The following PDIA4 variants were observed in gnomAD, a reference collection of about 807,000 sequenced individuals.
PDIA4 encodes the protein protein disulfide isomerase family A member 4.
In PDIA4, 33 loss-of-function variants were observed where a neutral mutation model predicts 62.1. That is an observed-to-expected ratio of 0.53 (90% CI 0.40 to 0.71). PDIA4 has a LOEUF of 0.71. Ranked by LOEUF, PDIA4 falls within the 30% of genes least tolerant of loss-of-function variation. The probability of loss-of-function intolerance (pLI) is 0.00; values close to 1 mark genes in which losing one functional copy is unlikely to be tolerated. For missense variants in PDIA4, 804 were observed against 813.6 expected, an observed-to-expected ratio of 0.99 and a Z score of 0.14; for synonymous variants, 341 against 324.1, an observed-to-expected ratio of 1.05 and a Z score of -0.56.
chr7:149,021,110 CTCTTCA>C lies in PDIA4; in HGVS notation c.120_125del (p.Asp40_Glu41del). 1 of 1,603,700 alleles carries C rather than the reference CTCTTCA, an allele frequency of 6.2e-7. No individual in the cohort carries two copies. Among genetic ancestry groups the C allele is most frequent in the Non-Finnish European group, 8.5e-7 (1 of 1,173,214 alleles). The stretch of plus-strand genomic sequence containing the variant: ...CATCATCATCTTCCTCCTCCTCCTC[CTCTTCA>C]TCCTCAATGGCATTTTCTCTGTTAG... On this transcript the variant is annotated inframe_deletion, in exon 2 of 10. Coordinates refer to ENST00000652332, the MANE Select transcript of PDIA4 (RefSeq NM_004911.5).
intron 9 of PDIA4, 40 bp downstream of exon 9, chr7:149,005,101 A>G: frequency 1.3e-6 from 2 of 1,501,640 alleles, no homozygotes; most frequent in Non-Finnish European, 1.9e-6. Flanking sequence ...CGAGGAGCAC[A>G]GCAGCTGATG....
chr7:149,021,020 A>G lies in PDIA4; in HGVS notation c.216T>C (p.Phe72=). The change falls in exon 2 of 10, where the codon TTT becomes TTC. Residue 72 remains phenylalanine (F), a synonymous_variant. Coordinates refer to ENST00000652332, the MANE Select transcript of PDIA4 (RefSeq NM_004911.5). ...TGTCTTTGTCAGCCACAAAATTATC[A>G]AAGTTTGCATCATTTAGGACCAAGA... The part of the protein sequence containing the change: ...NGVLVLNDAN[F]DNFVADKDTV... 6.2e-7 allele frequency: 1 copy of G among 1,614,160 alleles called. No homozygotes were observed. Among genetic ancestry groups the G allele is most frequent in the Non-Finnish European group, 8.5e-7 (1 of 1,180,034 alleles).
intron 7 of PDIA4, 95 bp downstream of exon 7, chr7:149,008,064 G>T: frequency 8.1e-7 from 1 of 1,231,860 alleles, no homozygotes; most frequent in Non-Finnish European, 1.1e-6. Flanking sequence ...AGACAAGAGC[G>T]AAACCTCCAC....
chr7:149,013,239 C>G (rs1241382163), intron 4 of PDIA4, among the ~76,000 whole-genome samples: 1 of 152,114 alleles, frequency 6.6e-6, no homozygotes, highest in East Asian at 1.9e-4. Flanking sequence ...CAGAGCAGGA[C>G]TCCGTCTCAA....
intron 3 of PDIA4, among the ~76,000 whole-genome samples, chr7:149,017,631 A>AATAAAATTAAAT (rs1305341440): frequency 6.7e-6 from 1 of 150,048 alleles, no homozygotes; most frequent in Non-Finnish European, 1.5e-5. Flanking sequence ...ATTTTATCAA[A>AATAAAATTAAAT]ATAAAATTAA....
intron 1 of PDIA4, among the ~76,000 whole-genome samples, chr7:149,023,747 C>A (rs980416891): frequency 6.6e-6 from 1 of 152,068 alleles, no homozygotes; most frequent in Non-Finnish European, 1.5e-5. Flanking sequence ...ACGTTTGCAG[C>A]GAAGAGGCCT....
chr7:149,003,742 A>G lies in PDIA4; in HGVS notation c.*52T>C, dbSNP rs1365583962. 1.4e-6 allele frequency: 2 copies of G among 1,399,204 alleles called. No individual in the cohort carries two copies. The highest frequency in any genetic ancestry group is 1.9e-6 in the Non-Finnish European group (2 of 1,056,688). The allele number at this position is 1,399,204 out of a possible 1,614,324, so 86.7% of individuals were successfully genotyped here. On this transcript the variant is annotated 3_prime_UTR_variant, in exon 10 of 10. Coordinates refer to ENST00000652332, the MANE Select transcript of PDIA4 (RefSeq NM_004911.5). ...CGGCCTCGGCGTGGACGCCCCGACCATGGGCCACGCAGGGCGTCTGCCTCC... is the reference window on the plus strand; with the variant it reads ...CGGCCTCGGCGTGGACGCCCCGACCGTGGGCCACGCAGGGCGTCTGCCTCC...
In PDIA4 at chr7:149,028,442, G is replaced by C. The variant is rs1341166648; in HGVS notation, c.-34C>G. 4 of 1,403,034 alleles carry C rather than the reference G, an allele frequency of 2.9e-6. No individual in the cohort carries two copies. Among genetic ancestry groups the C allele is most frequent in the Non-Finnish European group, 3.8e-6 (4 of 1,060,838 alleles). 86.9% of individuals were successfully genotyped at this position (1,403,034 alleles called of 1,614,324 possible). A position where few individuals can be genotyped will look rare whatever the true frequency, so the allele number is the denominator to read the frequency against. ...GGGCGGAGCGCGGCCTCCTAGCGTC[G>C]GCGGCCGCTGAGCGCACCGAGAACT... On this transcript the variant is annotated 5_prime_UTR_variant, in exon 1 of 10. Coordinates refer to ENST00000652332, the MANE Select transcript of PDIA4 (RefSeq NM_004911.5).
intron 7 of PDIA4, among the ~76,000 whole-genome samples, chr7:149,007,701 A>C: frequency 6.6e-6 from 1 of 152,198 alleles, no homozygotes. Flanking sequence ...AAATCCACCC[A>C]CCAAGGTCAA....
intron 1 of PDIA4, among the ~76,000 whole-genome samples, chr7:149,022,436 A>T (rs1824384931): frequency 6.6e-6 from 1 of 152,218 alleles, no homozygotes; most frequent in Non-Finnish European, 1.5e-5. Flanking sequence ...TACAAAGAAC[A>T]TGGAATTGCC....
At chr7:149,005,856 C>G in intron 8 of PDIA4, 41 bp downstream of exon 8, 1 of 1,439,760 alleles carries the variant, frequency 6.9e-7, no homozygotes, top group Non-Finnish European at 9.1e-7. Context: ...AACGAGTCCC[C>G]CCACCCCCCA....
Position 149,004,072 on chromosome 7 carries a change from A to G in PDIA4, c.1660T>C (p.Trp554Arg), listed in dbSNP as rs755285033. The change falls in exon 10 of 10, where the codon TGG becomes CGG. Residue 554 changes from tryptophan (W) to arginine (R), a missense_variant. Coordinates refer to ENST00000652332, the MANE Select transcript of PDIA4 (RefSeq NM_004911.5). ...KDVLIEFYAP[W>R]CGHCKQLEPV... ...TCTAGCTGCTTGCAGTGCCCGCACC[A>G]TGGCGCGTAGAACTCGATGAGGACG... 41 of 1,614,042 alleles carry G rather than the reference A, an allele frequency of 2.5e-5. No homozygotes were observed. Among genetic ancestry groups the G allele is most frequent in the East Asian group, 4.5e-5 (2 of 44,896 alleles).
intron 1 of PDIA4, among the ~76,000 whole-genome samples, chr7:149,023,931 C>A (rs1023059472): frequency 6.6e-6 from 1 of 152,154 alleles, no homozygotes; most frequent in Non-Finnish European, 1.5e-5. Flanking sequence ...TAAGAGGCAA[C>A]TTCTTTCTTG....
Position 149,003,772 on chromosome 7 carries a change from A to C in PDIA4, c.*22T>G. ...CCACGCAGGGCGTCTGCCTCCTCCC[A>C]CCTTCCGCAGACCTCAGGCCTTCAA... On this transcript the variant is annotated 3_prime_UTR_variant, in exon 10 of 10. Transcript: ENST00000652332. The C allele has an allele frequency of 6.7e-7, 1 of 1,490,872 alleles. No individual in the cohort carries two copies. Among genetic ancestry groups the C allele is most frequent in the Non-Finnish European group, 8.9e-7 (1 of 1,120,708 alleles). 92.4% of individuals were successfully genotyped at this position (1,490,872 alleles called of 1,614,324 possible).
Position 149,011,891 on chromosome 7 carries a change from A to G in PDIA4, c.934T>C (p.Phe312Leu), listed in dbSNP as rs1370765091. ...TAGGCTGGGTCACTCTCCCCCTTAA[A>G]GACCCCGATGATGATGACATCGTCT... ...DGDDVIIIGV[F>L]KGESDPAYQQ... is the part of the protein sequence containing the mutation. The change falls in exon 6 of 10, where the codon TTT (phenylalanine) becomes CTT (leucine). Residue 312 changes from phenylalanine to leucine, a missense_variant. Physicochemically the swap from Phe to Leu is conservative, Grantham distance 22 (BLOSUM62 0). Coordinates refer to ENST00000652332, the MANE Select transcript of PDIA4 (RefSeq NM_004911.5). The G allele has an allele frequency of 1.9e-6, 3 of 1,601,868 alleles. No homozygotes were observed. The highest frequency in any genetic ancestry group is 2.6e-6 in the Non-Finnish European group (3 of 1,173,880).
rs200029666 is a variant in PDIA4, at chr7:149,005,165, C to G, written c.1498G>C (p.Glu500Gln). ...CCTTTTTTGAAAGCAGTGACAAACT[C>G]GCGGAGGGTGTCAGAGTCAAACTCC... is the stretch of plus-strand genomic sequence containing the variant. ...PEEFDSDTLR[E>Q]FVTAFKKGKL... The change falls in exon 9 of 10, where the codon GAG becomes CAG. Residue 500 changes from glutamate to glutamine, a missense_variant. Physicochemically the swap from Glu to Gln is conservative, Grantham distance 29. Transcript: ENST00000652332. 1 of 1,613,738 alleles carries G rather than the reference C, an allele frequency of 6.2e-7. No individual in the cohort carries two copies. The highest frequency in any genetic ancestry group is 8.5e-7 in the Non-Finnish European group (1 of 1,179,658).
intron 1 of PDIA4, among the ~76,000 whole-genome samples, chr7:149,026,994 T>TC (rs1177651985): frequency 1.3e-5 from 2 of 151,656 alleles, no homozygotes; most frequent in African/African-American, 4.8e-5. Context: ...CTCTCAAGAA[T>TC]CCCCCCAAAA....
intron 1 of PDIA4, among the ~76,000 whole-genome samples, chr7:149,024,439 C>A (rs1438601709): frequency 6.6e-6 from 1 of 152,060 alleles, no homozygotes; most frequent in Non-Finnish European, 1.5e-5. Context: ...CACATCCCTG[C>A]AAGCAAAACA....
At position 149,017,445 on chromosome 7, in the gene PDIA4, G is replaced by A. The variant is rs1172254308; in HGVS notation, c.475+1547C>T. On this transcript the variant is annotated intron_variant, in intron 3 of 9. Coordinates refer to ENST00000652332, the MANE Select transcript of PDIA4 (RefSeq NM_004911.5). ...CTGAAAATACAAAAATTAGCCGGGCGTGGTGGTGTGTCCCTGTAATCACAG... is the reference window on the plus strand; with the variant it reads ...CTGAAAATACAAAAATTAGCCGGGCATGGTGGTGTGTCCCTGTAATCACAG... Among the ~76,000 whole-genome samples, 10 of 152,100 alleles carry A rather than the reference G, an allele frequency of 6.6e-5. No homozygotes were observed. The East Asian group carries it at 1.4e-3, about 21-fold the overall frequency.
Sources: allele counts gnomAD v4.1 joint callset (sites outside exome capture counted in the v4.1 genomes callset), GRCh38; gene constraint gnomAD v4.1.1; transcripts MANE v1.5; gene names NCBI Gene and HGNC (gene_info 2026-07-23, HGNC 2026-07-21).